The following CTNS variants were observed in gnomAD, a reference collection of about 807,000 sequenced individuals.
CTNS encodes the protein cystinosin, lysosomal cystine transporter, also known as cystinosin.
A neutral mutation model predicts 43.7 loss-of-function variants in CTNS; 27 were observed. The observed-to-expected ratio is 0.62, with a 90% confidence interval of 0.46 to 0.85. The LOEUF is 0.85. CTNS is among the 40% of genes least tolerant of loss of function. The pLI is 0.00. For missense variants in CTNS, 457 were observed against 475.4 expected, an observed-to-expected ratio of 0.96 and a Z score of 0.36; for synonymous variants, 187 against 190.6, an observed-to-expected ratio of 0.98 and a Z score of 0.16.
At chr17:3,640,121 T>C (rs1597596168) in intron 2 of CTNS, 67 bp from the exon 3 acceptor site, 1 of 1,294,596 alleles carries the variant, frequency 7.7e-7, no homozygotes, top group Non-Finnish European at 1.1e-6. Context: ...AGAGGGCAGA[T>C]TGTCTACAGG....
In CTNS at chr17:3,660,995, T is replaced by C. The variant is rs1054541908; in HGVS notation, c.*626T>C. ...AGGGGCCCACCAGATTGGTTCTGAA[T>C]TGGATTCATGCCCAGCGCATTAGCA... On this transcript the variant is annotated 3_prime_UTR_variant, in exon 12 of 12. Coordinates refer to ENST00000046640, the MANE Select transcript of CTNS (RefSeq NM_004937.3). The C allele has an allele frequency of 1.8e-5, 10 of 563,972 alleles. No homozygotes were observed. The highest frequency in any genetic ancestry group is 1.5e-4 in the African/African-American group (8 of 53,110). The allele number at this position is 563,972 out of a possible 1,614,324, so 34.9% of individuals were successfully genotyped here.
intron 5 of CTNS, chr17:3,650,302 A>G: frequency 1.3e-6 from 2 of 1,549,774 alleles, no homozygotes; most frequent in African/African-American, 1.4e-5. Flanking sequence ...AGTCTCCAGC[A>G]TGTGGGAACC....
rs752180212 is a variant in CTNS, at chr17:3,658,072, TCA to T, written c.751_752del (p.Thr251HisfsTer44). ...GTGCTCGCGTGGCTCTTCGCATTTG[TCA>T]CCATGATCGTGGCTGCAGTGGGAGT... On this transcript the variant is annotated frameshift_variant, in exon 10 of 12. Transcript: ENST00000046640. LOFTEE classifies it high-confidence loss of function. 6.2e-7 allele frequency: 1 copy of T among 1,612,216 alleles called. No homozygotes were observed. The highest frequency in any genetic ancestry group is 2.1e-4 in the Middle Eastern group (1 of 4,752).
At chr17:3,641,382 ATATTTTTTTT>A (rs2075698507) in intron 3 of CTNS, among the ~76,000 whole-genome samples, 1 of 39,956 alleles carries the variant, frequency 2.5e-5, no homozygotes, top group African/African-American at 1.8e-4. Flanking sequence ...ATATATATAT[ATATTTTTTTT>A]TTTTTTTTTT....
chr17:3,649,175 G>A (rs2075914567), intron 5 of CTNS, among the ~76,000 whole-genome samples: 1 of 152,222 alleles, frequency 6.6e-6, no homozygotes, highest in Non-Finnish European at 1.5e-5. Flanking sequence ...CTTACCGGGA[G>A]TGGTGGCTCA....
chr17:3,659,799 A>AT, intron 10 of CTNS, 59 bp from the exon 11 acceptor site: 1 of 1,282,578 alleles, frequency 7.8e-7, no homozygotes, highest in South Asian at 1.2e-5. Flanking sequence ...CACGAGGCGC[A>AT]TGAGGCAGCC....
Position 3,656,582 on chromosome 17 carries a change from T to A in CTNS, c.557T>A (p.Ile186Asn). The A allele has an allele frequency of 6.2e-7, 1 of 1,611,266 alleles. No homozygotes were observed. Among genetic ancestry groups the A allele is most frequent in the Non-Finnish European group, 8.5e-7 (1 of 1,179,318 alleles). ...ATCGGCCTCCTCTGGGTGCCCTACA[T>A]CAAGGTACGGCCTTGCCTGCCCTAC... ...FNIGLLWVPYIKEQFLLKYPN... is the reference protein window; with the variant it reads ...FNIGLLWVPYNKEQFLLKYPN... Residue 186 changes from isoleucine (I) to asparagine (N), a missense_variant, in exon 8 of 12, where the codon ATC becomes AAC. Transcript: ENST00000046640.
chr17:3,654,072 C>G (rs2076059518), intron 5 of CTNS, among the ~76,000 whole-genome samples: 1 of 152,106 alleles, frequency 6.6e-6, no homozygotes, highest in Non-Finnish European at 1.5e-5. Context: ...ACAGGGCACA[C>G]ATGGTTTTGT....
chr17:3,637,710 G>C (rs910458529), intron 2 of CTNS, among the ~76,000 whole-genome samples: 1 of 151,956 alleles, frequency 6.6e-6, no homozygotes, highest in African/African-American at 2.4e-5. Flanking sequence ...CAGGTGATGC[G>C]CTCACCTCGG....
At chr17:3,657,402 A>G (rs2150924138) in intron 9 of CTNS, among the ~76,000 whole-genome samples, 1 of 152,300 alleles carries the variant, frequency 6.6e-6, no homozygotes, top group African/African-American at 2.4e-5. Flanking sequence ...GACCCCTGAT[A>G]TGACAGCTTT....
In CTNS at chr17:3,661,706, C is replaced by T. The variant is rs1194753110; in HGVS notation, c.*1337C>T. ...GAGCCCTCTTGGGTAGCGCGAGACG[C>T]CTACCCGCCCAGGGCCAGGTCAGTC... On this transcript the variant is annotated 3_prime_UTR_variant, in exon 12 of 12. Coordinates refer to ENST00000046640, the MANE Select transcript of CTNS (RefSeq NM_004937.3). Among the ~76,000 whole-genome samples the T allele has an allele frequency of 6.6e-6, 1 of 152,228 alleles. No individual in the cohort carries two copies. Among genetic ancestry groups the T allele is most frequent in the Non-Finnish European group, 1.5e-5 (1 of 68,048 alleles).
At chr17:3,653,105 A>C (rs1302891542) in intron 5 of CTNS, among the ~76,000 whole-genome samples, 1 of 152,138 alleles carries the variant, frequency 6.6e-6, no homozygotes, top group Non-Finnish European at 1.5e-5. Flanking sequence ...AGCCTGAGCT[A>C]CAGAGCAAGA....
At chr17:3,647,763 A>G (rs2075878966) in intron 4 of CTNS, among the ~76,000 whole-genome samples, 1 of 152,218 alleles carries the variant, frequency 6.6e-6, no homozygotes, top group South Asian at 2.1e-4. Flanking sequence ...CTTCTCCCAG[A>G]GACGTGCGTC....
chr17:3,659,887 T>C lies in CTNS; in HGVS notation c.882T>C (p.Thr294=). Residue 294 remains threonine (T), a synonymous_variant, in exon 11 of 12, where the codon ACT becomes ACC. Coordinates refer to ENST00000046640, the MANE Select transcript of CTNS (RefSeq NM_004937.3). ...ACATGAACTTTTACTACAAAAGCAC[T>C]GAGGGCTGGAGCATTGGCAACGTGC... ...QAYMNFYYKS[T]EGWSIGNVLL... 1 of 1,613,986 alleles carries C rather than the reference T, an allele frequency of 6.2e-7. No individual in the cohort carries two copies. The highest frequency in any genetic ancestry group is 1.1e-5 in the South Asian group (1 of 91,082).
chr17:3,648,093 C>T (rs1320759407), intron 4 of CTNS, among the ~76,000 whole-genome samples: 1 of 152,224 alleles, frequency 6.6e-6, no homozygotes, highest in Non-Finnish European at 1.5e-5. Flanking sequence ...TCCCTTGCCT[C>T]CCAGCCGTGA....
chr17:3,653,026 G>A (rs1270149330), intron 5 of CTNS, among the ~76,000 whole-genome samples: 1 of 152,234 alleles, frequency 6.6e-6, no homozygotes, highest in East Asian at 1.9e-4. Flanking sequence ...TCAGGAGGCT[G>A]AGGCGGGAGG....
intron 2 of CTNS, among the ~76,000 whole-genome samples, chr17:3,637,665 C>T (rs531147714): frequency 6.6e-6 from 1 of 152,118 alleles, no homozygotes; most frequent in African/African-American, 2.4e-5. Flanking sequence ...TGGGGATTCA[C>T]CATGTTGGCC....
intron 3 of CTNS, among the ~76,000 whole-genome samples, chr17:3,643,916 T>C (rs929340382): frequency 2.9e-4 from 44 of 152,108 alleles, no homozygotes; most frequent in African/African-American, 1.1e-3. Flanking sequence ...CCTGTGTTCG[T>C]AGCTACTGAG....
chr17:3,643,371 G>A (rs140353756), intron 3 of CTNS, among the ~76,000 whole-genome samples: 2,753 of 152,088 alleles, frequency 0.018, 34 homozygotes, highest in Middle Eastern at 0.031. Flanking sequence ...ATGGGAGCTC[G>A]GTGTATAGCA....
Sources: gnomAD v4.1 joint callset for allele counts (sites outside exome capture counted in the v4.1 genomes callset) on GRCh38, gnomAD v4.1.1 for gene constraint, MANE v1.5 for transcripts, NCBI Gene and HGNC (gene_info 2026-07-23, HGNC 2026-07-21) for gene names.